FCRL3: variants seen among roughly 807,000 people sequenced by gnomAD.
FCRL3 encodes Fc receptor like 3, also known as Fc receptor-like protein 3.
A neutral mutation model predicts 75.0 loss-of-function variants in FCRL3; 89 were observed. The ratio of observed to expected loss-of-function variants is 1.19; its 90% CI spans 1.00 to 1.42. FCRL3 has a LOEUF of 1.42. Among genes scored for constraint, FCRL3 ranks in the 40% most tolerant of loss-of-function variants. The pLI is 0.00. For missense variants in FCRL3, 946 were observed against 880.0 expected (o/e 1.07, Z -0.95); for synonymous variants, 376 against 348.5 (o/e 1.08, Z -0.88).
intron 10 of FCRL3, among the ~76,000 whole-genome samples, chr1:157,686,768 CACCATATACAAA>C (rs1231371048): frequency 2.6e-5 from 4 of 152,114 alleles, no homozygotes; most frequent in Admixed American, 6.5e-5. Flanking sequence ...CCCTACTTTT[CACCATATACAAA>C]ACTTAATTCA....
At position 157,688,852 on chromosome 1, in the gene FCRL3, T is replaced by C. The variant is rs536657667; in HGVS notation, c.1810+946A>G. 7.9e-5 allele frequency among the ~76,000 whole-genome samples: 12 copies of C among 152,262 alleles called. No homozygotes were observed. The South Asian group carries it at 2.1e-3, about 26-fold the overall frequency. On this transcript the variant is annotated intron_variant, in intron 10 of 14. Coordinates refer to ENST00000368184, the MANE Select transcript of FCRL3 (RefSeq NM_052939.4). ...AATCAACAGTCATGACCAAGTTGGGTTGACCCCAGAAATATAAGGCTACTT... is the reference window on the plus strand; with the variant it reads ...AATCAACAGTCATGACCAAGTTGGGCTGACCCCAGAAATATAAGGCTACTT...
At chr1:157,682,250 A>G (rs527308727) in intron 11 of FCRL3, among the ~76,000 whole-genome samples, 39 of 152,270 alleles carry the variant, frequency 2.6e-4, no homozygotes, top group African/African-American at 6.3e-4. Context: ...TAGTTTAATT[A>G]GATCCCATTT....
At chr1:157,685,515 G>C (rs1053387940) in intron 10 of FCRL3, among the ~76,000 whole-genome samples, 1 of 152,094 alleles carries the variant, frequency 6.6e-6, no homozygotes, top group African/African-American at 2.4e-5. Flanking sequence ...GACAGAGTTA[G>C]ACAGATCATC....
chr1:157,699,533 A>G (rs1656176007), intron 3 of FCRL3, among the ~76,000 whole-genome samples, 159 bp downstream of exon 3: 1 of 151,242 alleles, frequency 6.6e-6, no homozygotes, highest in African/African-American at 2.4e-5. Flanking sequence ...AGACTGAAAA[A>G]GTCGGAGGAG....
chr1:157,676,794 G>A lies in FCRL3; in HGVS notation c.*1916C>T, dbSNP rs1390331723. 1 of 1,549,750 alleles carries A rather than the reference G, an allele frequency of 6.5e-7. No homozygotes were observed. Among genetic ancestry groups the A allele is most frequent in the East Asian group, 2.4e-5 (1 of 40,894 alleles). Reference sequence around the variant, plus strand: ...CTAGAAAATGGATAAACAATGATAAGAGATGACAGGTCCCTTAGAGAAAGT... The same window carrying A: ...CTAGAAAATGGATAAACAATGATAAAAGATGACAGGTCCCTTAGAGAAAGT... On this transcript the variant is annotated 3_prime_UTR_variant, in exon 15 of 15. Transcript: ENST00000368184.
chr1:157,697,163 A>C lies in FCRL3; in HGVS notation c.821T>G (p.Leu274Arg). Residue 274 changes from leucine to arginine, a missense_variant, in exon 6 of 15, where the codon CTG (leucine) becomes CGG (arginine). By Grantham distance (102) the Leu-to-Arg change is moderately radical. Transcript: ENST00000368184. The part of the protein sequence containing the change: ...TVTHSIKKRS[L>R]RSQIRVQRVP... ...ACTCTGTACACGTATCTGAGATCTC[A>C]GGCTCCTTTTTTTGATGCTGTGAGT... 1 of 1,510,522 alleles carries C rather than the reference A, an allele frequency of 6.6e-7. No individual in the cohort carries two copies. Among genetic ancestry groups the C allele is most frequent in the Non-Finnish European group, 8.9e-7 (1 of 1,128,098 alleles). The allele number at this position is 1,510,522 out of a possible 1,614,324, so 93.6% of individuals were successfully genotyped here. A position where few individuals can be genotyped will look rare whatever the true frequency, so the allele number is the denominator to read the frequency against.
At chr1:157,696,561 A>C in intron 6 of FCRL3, 1 of 535,004 alleles carries the variant, frequency 1.9e-6, no homozygotes. Flanking sequence ...ATCTCCATAA[A>C]TCCAATGTTT....
intron 3 of FCRL3, 27 bp downstream of exon 3, chr1:157,699,665 G>A (rs779696385): frequency 6.2e-7 from 1 of 1,613,314 alleles, no homozygotes; most frequent in South Asian, 1.1e-5. Flanking sequence ...CCAGAGACCA[G>A]AGGGGCAGAG....
chr1:157,689,173 G>C (rs1381479713), intron 10 of FCRL3, among the ~76,000 whole-genome samples: 1 of 152,128 alleles, frequency 6.6e-6, no homozygotes, highest in African/African-American at 2.4e-5. Flanking sequence ...AATTAAGCAA[G>C]AACAAGAAGT....
At chr1:157,687,864 T>A (rs1329667595) in intron 10 of FCRL3, among the ~76,000 whole-genome samples, 1 of 151,896 alleles carries the variant, frequency 6.6e-6, no homozygotes, top group Non-Finnish European at 1.5e-5. Context: ...ACAGGATCTG[T>A]ACCCCAAATC....
rs1374274218 is a variant in FCRL3 at position 157,690,046 on chromosome 1, A to G, written c.1691-129T>C. On this transcript the variant is annotated intron_variant, in intron 9 of 14. Coordinates refer to ENST00000368184, the MANE Select transcript of FCRL3 (RefSeq NM_052939.4). ...AGCATCATTTGTAATTTTCAAAACT[A>G]TGGCATATGAAAGGTATTCTCCAGC... The G allele has an allele frequency of 3.0e-5, 42 of 1,409,168 alleles. No individual in the cohort carries two copies. The South Asian group carries it at 4.1e-4, about 14-fold the overall frequency. 87.3% of individuals were successfully genotyped at this position (1,409,168 alleles called of 1,614,324 possible).
chr1:157,698,364 A>G lies in FCRL3; in HGVS notation c.298+20T>C, dbSNP rs748389853. 3 of 1,613,308 alleles carry G rather than the reference A, an allele frequency of 1.9e-6. No individual in the cohort carries two copies. The highest frequency in any genetic ancestry group is 2.2e-5 in the South Asian group (2 of 91,020). On this transcript the variant is annotated intron_variant, in intron 4 of 14. Transcript: ENST00000368184. ...TCTGCCTGGTGGCTTGACTTTAGAC[A>G]CTCCCCTTCCATTCCTCACCAGGTG...
intron 13 of FCRL3, 121 bp downstream of exon 13, chr1:157,680,581 T>G (rs1206599695): frequency 1.3e-6 from 1 of 747,736 alleles, no homozygotes; most frequent in East Asian, 2.6e-5. Context: ...GCTGACACTA[T>G]GGGAGGCAAG....
chr1:157,698,052 C>A, intron 4 of FCRL3, 133 bp from the exon 5 acceptor site: 1 of 1,004,852 alleles, frequency 1.0e-6, no homozygotes, highest in Non-Finnish European at 1.4e-6. Flanking sequence ...GCCATGTGGC[C>A]CCAAATACCT....
chr1:157,681,151 A>G, intron 11 of FCRL3, 52 bp from the exon 12 acceptor site: 2 of 1,243,196 alleles, frequency 1.6e-6, no homozygotes, highest in African/African-American at 1.5e-5. Context: ...GGTTACACAG[A>G]ATTTCAGGGA....
chr1:157,683,145 A>G (rs1654953536), intron 11 of FCRL3, 72 bp downstream of exon 11: 1 of 1,538,278 alleles, frequency 6.5e-7, no homozygotes, highest in South Asian at 1.2e-5. Context: ...AATTTAAAAA[A>G]AAACATAAAC....
intron 3 of FCRL3, among the ~76,000 whole-genome samples, chr1:157,698,959 A>G (rs73003407): frequency 0.066 from 10,065 of 152,262 alleles, 1,098 homozygotes; most frequent in African/African-American, 0.23. Context: ...CTCTTGTCCT[A>G]TACATTTCTG....
At chr1:157,683,814 A>G (rs1654998942) in intron 10 of FCRL3, among the ~76,000 whole-genome samples, 1 of 152,162 alleles carries the variant, frequency 6.6e-6, no homozygotes, top group South Asian at 2.1e-4. Flanking sequence ...TCACTTGGCT[A>G]GCTCCGATTT....
rs1656118235 is a variant in FCRL3 at position 157,698,623 on chromosome 1, G to A, written c.59C>T (p.Ala20Val). Residue 20 changes from alanine to valine, a missense_variant, in exon 4 of 15, where the codon GCC becomes GTC. By Grantham distance (64) the Ala-to-Val change is moderately conservative. Transcript: ENST00000368184. Reference protein sequence around the residue: ...LTPGREQSGVAPKAVLLLNPP... With the variant: ...LTPGREQSGVVPKAVLLLNPP... Reference sequence around the variant, plus strand: ...ATTGAGGAGAAGTACAGCTTTTGGGGCCACCCCTAAACAGGAAATAGAAAG... The same window carrying A: ...ATTGAGGAGAAGTACAGCTTTTGGGACCACCCCTAAACAGGAAATAGAAAG... 1 of 1,613,882 alleles carries A rather than the reference G, an allele frequency of 6.2e-7. No homozygotes were observed. Among genetic ancestry groups the A allele is most frequent in the African/African-American group, 1.3e-5 (1 of 74,920 alleles).
Sources: gnomAD v4.1 joint callset for allele counts (sites outside exome capture counted in the v4.1 genomes callset) on GRCh38, gnomAD v4.1.1 for gene constraint, MANE v1.5 for transcripts, NCBI Gene and HGNC (gene_info 2026-07-23, HGNC 2026-07-21) for gene names.